CSMD3: variants seen among roughly 807,000 people sequenced by gnomAD.
The protein encoded by CSMD3 is CUB and sushi domain-containing protein 3.
CSMD3 carries 177 observed loss-of-function variants against 435.2 expected under a neutral mutation model. That is an observed-to-expected ratio of 0.41 (90% confidence interval 0.36 to 0.46). The LOEUF (loss-of-function observed/expected upper bound fraction) is 0.46, where lower values mean the gene tolerates loss of function less well. Ranked by LOEUF, CSMD3 falls within the 20% of genes least tolerant of loss-of-function variation. The probability of loss-of-function intolerance (pLI) is 0.34; values close to 1 mark genes in which losing one functional copy is unlikely to be tolerated. For synonymous variants in CSMD3, 1,656 were observed against 1,520.5 expected, an observed-to-expected ratio of 1.09 and a Z score of -2.07; for missense variants, 4,265 against 4,504.6, an observed-to-expected ratio of 0.95 and a Z score of 1.52.
intron 44 of CSMD3, 130 bp downstream of exon 44, chr8:112,336,522 C>T: frequency 1.3e-6 from 1 of 765,090 alleles, no homozygotes; most frequent in Admixed American, 2.0e-5. Context: ...CATACTGTCA[C>T]CCTCAGTTAC....
intron 27 of CSMD3, among the ~76,000 whole-genome samples, chr8:112,537,790 T>C (rs1243837303): frequency 6.6e-6 from 1 of 151,844 alleles, no homozygotes; most frequent in African/African-American, 2.4e-5. Context: ...TGATGAATTC[T>C]ACCAAACATT....
chr8:112,875,870 T>G (rs1472230958), intron 10 of CSMD3, among the ~76,000 whole-genome samples: 1 of 152,154 alleles, frequency 6.6e-6, no homozygotes, highest in Non-Finnish European at 1.5e-5. Flanking sequence ...AATATGCTCC[T>G]TTAGCTTGGA....
chr8:113,362,600 G>A lies in CSMD3; in HGVS notation c.179-47807C>T, dbSNP rs116281115. Among the ~76,000 whole-genome samples, 348 of 152,146 alleles carry A rather than the reference G, an allele frequency of 2.3e-3. 2 individuals are homozygous for A. The highest frequency in any genetic ancestry group is 8.3e-3 in the African/African-American group (346 of 41,526). ...AGCCCGAGGCAAATTAAATAAGTAG[G>A]CAAAACAGCTCTTTCCCACTCAGTA... On this transcript the variant is annotated intron_variant, in intron 1 of 70. Coordinates refer to ENST00000297405, the MANE Select transcript of CSMD3 (RefSeq NM_198123.2).
chr8:112,679,749 C>T (rs1037784836), intron 16 of CSMD3, among the ~76,000 whole-genome samples: 4 of 152,036 alleles, frequency 2.6e-5, no homozygotes, highest in East Asian at 3.9e-4. Context: ...GTTAGGCAAA[C>T]GAGGATCCAA....
At chr8:112,927,331 TC>T (rs2082943490) in intron 9 of CSMD3, among the ~76,000 whole-genome samples, 1 of 152,122 alleles carries the variant, frequency 6.6e-6, no homozygotes, top group South Asian at 2.1e-4. Flanking sequence ...AAATTCTAGT[TC>T]TTCTCAAATT....
chr8:112,613,634 C>T (rs1833435724), intron 22 of CSMD3, among the ~76,000 whole-genome samples: 1 of 152,118 alleles, frequency 6.6e-6, no homozygotes, highest in South Asian at 2.1e-4. Context: ...AAGAGAAATA[C>T]TATGGAGTGA....
intron 45 of CSMD3, among the ~76,000 whole-genome samples, chr8:112,333,009 AT>A (rs1208694577): frequency 8.5e-5 from 13 of 152,220 alleles, no homozygotes; most frequent in African/African-American, 2.9e-4. Context: ...AGTAATTGGA[AT>A]AAATTATACA....
At chr8:112,928,973 T>C (rs36136822) in intron 9 of CSMD3, among the ~76,000 whole-genome samples, 29,488 of 127,730 alleles carry the variant, frequency 0.23, 3,265 homozygotes, top group East Asian at 0.36. Context: ...TTTTAATGAT[T>C]GCCATTCTAA....
At chr8:113,071,344 T>C (rs1278817483) in intron 5 of CSMD3, among the ~76,000 whole-genome samples, 2 of 151,936 alleles carry the variant, frequency 1.3e-5, no homozygotes, top group Non-Finnish European at 2.9e-5. Flanking sequence ...ATAGTCCCAA[T>C]TGTTTATTTT....
At chr8:112,754,095 T>C (rs985658991) in intron 13 of CSMD3, among the ~76,000 whole-genome samples, 6 of 152,186 alleles carry the variant, frequency 3.9e-5, no homozygotes, top group Non-Finnish European at 8.8e-5. Flanking sequence ...TGGCCAGACC[T>C]GAGCAATAGG....
At chr8:112,893,185 A>G (rs998668044) in intron 10 of CSMD3, among the ~76,000 whole-genome samples, 3 of 151,450 alleles carry the variant, frequency 2.0e-5, no homozygotes, top group Non-Finnish European at 4.4e-5. Context: ...CACTGTATGC[A>G]TTATCTTAAC....
At chr8:112,846,619 A>G (rs2080328759) in intron 11 of CSMD3, among the ~76,000 whole-genome samples, 1 of 151,912 alleles carries the variant, frequency 6.6e-6, no homozygotes, top group Non-Finnish European at 1.5e-5. Flanking sequence ...TATGTTGCTC[A>G]GGATGGTCTC....
At chr8:113,236,819 A>C (rs893200926) in intron 3 of CSMD3, among the ~76,000 whole-genome samples, 3 of 151,942 alleles carry the variant, frequency 2.0e-5, no homozygotes, top group Non-Finnish European at 2.9e-5. Flanking sequence ...CTATCTATCT[A>C]TCTCTCTATC....
At chr8:113,026,204 C>T (rs1423581103) in intron 5 of CSMD3, among the ~76,000 whole-genome samples, 2 of 152,148 alleles carry the variant, frequency 1.3e-5, no homozygotes, top group East Asian at 1.9e-4. Context: ...TGCTGGTGGC[C>T]TCCAGCTTAA....
intron 13 of CSMD3, among the ~76,000 whole-genome samples, chr8:112,709,196 T>A (rs955413155): frequency 6.6e-6 from 1 of 152,076 alleles, no homozygotes; most frequent in East Asian, 1.9e-4. Flanking sequence ...CATATCCCCA[T>A]AAATGTATTA....
At chr8:112,952,827 C>T (rs1407768448) in intron 8 of CSMD3, among the ~76,000 whole-genome samples, 1 of 151,310 alleles carries the variant, frequency 6.6e-6, no homozygotes, top group East Asian at 1.9e-4. Flanking sequence ...AGCTTTTTGC[C>T]TATTTTAAAG....
At position 112,868,803 on chromosome 8, in the gene CSMD3, T is replaced by C. The variant is rs192934064; in HGVS notation, c.1634-9537A>G. 5.9e-5 allele frequency among the ~76,000 whole-genome samples: 9 copies of C among 152,250 alleles called. No individual in the cohort carries two copies. The East Asian group carries it at 1.5e-3, about 26-fold the overall frequency. On this transcript the variant is annotated intron_variant, in intron 10 of 70. Coordinates refer to ENST00000297405, the MANE Select transcript of CSMD3 (RefSeq NM_198123.2). Reference sequence around the variant, plus strand: ...AACAAGTGGTGTTGAGAAAATTGAATATCCACTTGCAAAATAATGAAATTG... The same window carrying C: ...AACAAGTGGTGTTGAGAAAATTGAACATCCACTTGCAAAATAATGAAATTG...
intron 13 of CSMD3, among the ~76,000 whole-genome samples, chr8:112,703,028 A>G (rs2076422993): frequency 6.6e-6 from 1 of 152,178 alleles, no homozygotes; most frequent in Admixed American, 6.6e-5. Context: ...TGAAATATCA[A>G]TTAAACACAC....
chr8:113,093,085 A>C (rs2090057187), intron 5 of CSMD3, among the ~76,000 whole-genome samples: 1 of 152,200 alleles, frequency 6.6e-6, no homozygotes, highest in East Asian at 1.9e-4. Flanking sequence ...TATAGTGTGA[A>C]ATGTTCAGGG....
Sources: gnomAD v4.1 joint callset for allele counts (sites outside exome capture counted in the v4.1 genomes callset) on GRCh38, gnomAD v4.1.1 for gene constraint, MANE v1.5 for transcripts, NCBI Gene and HGNC (gene_info 2026-07-23, HGNC 2026-07-21) for gene names.